CHODL: variants seen among roughly 807,000 people sequenced by gnomAD.
CHODL encodes the protein transmembrane protein MT75.
Under a neutral mutation model 34.5 loss-of-function variants are expected in CHODL, and 29 were observed. That is an observed-to-expected ratio of 0.84 (90% confidence interval 0.63 to 1.15). The LOEUF (loss-of-function observed/expected upper bound fraction) is 1.15. CHODL is among the 50% of genes most tolerant of loss of function. CHODL has a pLI of 0.00. For synonymous variants in CHODL, 125 were observed against 116.1 expected, an observed-to-expected ratio of 1.08 and a Z score of -0.49; for missense variants, 332 against 332.5, an observed-to-expected ratio of 1.00 and a Z score of 0.01.
At chr21:18,139,101 G>A (rs2072771748) in intron 2 of CHODL, among the ~76,000 whole-genome samples, 1 of 152,062 alleles carries the variant, frequency 6.6e-6, no homozygotes, top group Admixed American at 6.6e-5. Flanking sequence ...GAGTATGTTT[G>A]TGAATTTGTG....
At chr21:18,111,386 A>T (rs1483874131) in intron 2 of CHODL, among the ~76,000 whole-genome samples, 4 of 152,184 alleles carry the variant, frequency 2.6e-5, no homozygotes, top group Non-Finnish European at 5.9e-5. Flanking sequence ...ACCATTTGTT[A>T]CTTACATGCC....
chr21:17,978,716 CAAAAAAGAAA>C (rs2063689898), intron 1 of CHODL, among the ~76,000 whole-genome samples: 2 of 92,048 alleles, frequency 2.2e-5, no homozygotes, highest in Non-Finnish European at 2.1e-5. Flanking sequence ...GACTCCATCT[CAAAAAAGAAA>C]AAAAAAGAAA....
At chr21:18,230,065 A>T (rs2073965140) in intron 2 of CHODL, among the ~76,000 whole-genome samples, 1 of 152,246 alleles carries the variant, frequency 6.6e-6, no homozygotes, top group African/African-American at 2.4e-5. Flanking sequence ...TGTACCTCAA[A>T]TGATTAAGTA....
At chr21:18,086,180 A>G (rs1479236967) in intron 2 of CHODL, among the ~76,000 whole-genome samples, 1 of 150,652 alleles carries the variant, frequency 6.6e-6, no homozygotes. Flanking sequence ...CTTTCAATGA[A>G]TTTATTTCCA....
At chr21:17,929,111 G>T (rs191425033) in intron 1 of CHODL, among the ~76,000 whole-genome samples, 42 of 152,270 alleles carry the variant, frequency 2.8e-4, no homozygotes, top group African/African-American at 9.6e-4. Flanking sequence ...CATTTTACTT[G>T]TTCCATGTGA....
intron 2 of CHODL, among the ~76,000 whole-genome samples, chr21:18,066,354 C>T (rs1016674066): frequency 7.2e-5 from 11 of 152,068 alleles, no homozygotes; most frequent in African/African-American, 2.4e-4. Context: ...GGTTTTTAAA[C>T]CTCAATATGG....
intron 1 of CHODL, among the ~76,000 whole-genome samples, chr21:17,927,005 CAGACAT>C (rs1568801416): frequency 6.9e-6 from 1 of 144,462 alleles, no homozygotes; most frequent in African/African-American, 2.9e-5. Flanking sequence ...CACACACACA[CAGACAT>C]ACACACATAT....
At chr21:18,146,476 A>C (rs9305845) in intron 2 of CHODL, among the ~76,000 whole-genome samples, 95,839 of 151,696 alleles carry the variant, frequency 0.63, 31,765 homozygotes, top group Non-Finnish European at 0.75. Flanking sequence ...GTGAGTTCTC[A>C]TGAGACCTGA....
At chr21:18,057,683 T>G (rs2064600884) in intron 2 of CHODL, among the ~76,000 whole-genome samples, 1 of 151,944 alleles carries the variant, frequency 6.6e-6, no homozygotes, top group Admixed American at 6.6e-5. Context: ...TATTTAAGCT[T>G]CCTCCATTAA....
At chr21:18,238,339 A>G (rs192704662) in intron 2 of CHODL, among the ~76,000 whole-genome samples, 6 of 152,240 alleles carry the variant, frequency 3.9e-5, no homozygotes, top group African/African-American at 1.2e-4. Context: ...CCTCAGAATC[A>G]TGGTGGGAGG....
rs868452239 is a variant in CHODL, at chr21:17,921,008, C to G, written c.-145+3608C>G. On this transcript the variant is annotated intron_variant, in intron 1 of 6. Coordinates refer to the CHODL transcript ENST00000400127. ...TCCCTTGCAGTTAGGGGCCATATAC[C>G]TAACTTTTGGCCAAGGGTTTGTATT... 8.0e-3 allele frequency among the ~76,000 whole-genome samples: 1,220 copies of G among 152,214 alleles called. 18 individuals are homozygous for G. The highest frequency in any genetic ancestry group is 0.027 in the African/African-American group (1,120 of 41,534).
chr21:18,188,422 AAT>A (rs1267368714), intron 2 of CHODL, among the ~76,000 whole-genome samples: 1 of 152,214 alleles, frequency 6.6e-6, no homozygotes, highest in Non-Finnish European at 1.5e-5. Context: ...TAAAACATTT[AAT>A]TTCCCCCAGA....
intron 2 of CHODL, among the ~76,000 whole-genome samples, chr21:18,075,192 A>C (rs1009125368): frequency 6.6e-6 from 1 of 152,206 alleles, no homozygotes; most frequent in Non-Finnish European, 1.5e-5. Context: ...GGACTAAAGA[A>C]TGCTCTCAGC....
rs372160073 is a variant in CHODL at position 18,128,612 on chromosome 21, A to G, written c.-45+100641A>G. Among the ~76,000 whole-genome samples, 74 of 152,238 alleles carry G rather than the reference A, an allele frequency of 4.9e-4. 1 individual carries two copies. The South Asian group carries it at 0.014, about 28-fold the overall frequency. On this transcript the variant is annotated intron_variant, in intron 2 of 6. Transcript: ENST00000400127. ...GGAAAGTGGATGGTGTATGGTGAGG[A>G]TGTGCAGTATTCAGTAAAATGATCA...
chr21:17,980,084 A>T (rs1441638365), intron 1 of CHODL, among the ~76,000 whole-genome samples: 1 of 148,786 alleles, frequency 6.7e-6, no homozygotes, highest in African/African-American at 2.5e-5. Flanking sequence ...TTGACATTAA[A>T]TTCATCCTTT....
At chr21:17,988,402 T>TTATTA (rs35200840) in intron 1 of CHODL, among the ~76,000 whole-genome samples, 1 of 140,100 alleles carries the variant, frequency 7.1e-6, no homozygotes, top group Non-Finnish European at 1.5e-5. Context: ...TTCCTTTTTT[T>TTATTA]TTATTATTAT....
intron 1 of CHODL, among the ~76,000 whole-genome samples, chr21:17,921,382 A>T (rs1385265151): frequency 6.6e-6 from 1 of 152,236 alleles, no homozygotes; most frequent in East Asian, 1.9e-4. Flanking sequence ...AAGTTAACAC[A>T]TAAAATTAAC....
intron 1 of CHODL, among the ~76,000 whole-genome samples, chr21:17,955,796 G>A (rs944432079): frequency 7.3e-6 from 1 of 136,544 alleles, no homozygotes; most frequent in African/African-American, 2.5e-5. Flanking sequence ...AGGGGATTTG[G>A]GTTCCAGGGC....
intron 1 of CHODL, among the ~76,000 whole-genome samples, chr21:18,018,568 C>T (rs1185542578): frequency 6.6e-6 from 1 of 152,158 alleles, no homozygotes; most frequent in Non-Finnish European, 1.5e-5. Flanking sequence ...GTAAAAGCTT[C>T]CTGAGGTCTC....
Sources: allele counts gnomAD v4.1 joint callset (sites outside exome capture counted in the v4.1 genomes callset), GRCh38; gene constraint gnomAD v4.1.1; transcripts MANE v1.5; gene names NCBI Gene and HGNC (gene_info 2026-07-23, HGNC 2026-07-21).